VWA8: variants seen among roughly 807,000 people sequenced by gnomAD.
The protein encoded by VWA8 is von Willebrand factor A domain containing 8.
VWA8 carries 221 observed loss-of-function variants against 241.5 expected under a neutral mutation model. That is an observed-to-expected ratio of 0.91 (90% CI 0.82 to 1.02). VWA8 has a LOEUF of 1.02. Ranked by LOEUF, VWA8 falls within the 50% of genes least tolerant of loss-of-function variation. The pLI, the probability that VWA8 is intolerant of heterozygous loss-of-function variation, is 0.00. For synonymous variants in VWA8, 852 were observed against 827.1 expected (o/e 1.03, Z -0.52); for missense variants, 2,322 against 2,328.7 (o/e 1.00, Z 0.06).
At chr13:41,694,891 C>T (rs2045206292) in intron 29 of VWA8, among the ~76,000 whole-genome samples, 1 of 152,080 alleles carries the variant, frequency 6.6e-6, no homozygotes, top group Non-Finnish European at 1.5e-5. Flanking sequence ...AACTGAAAAA[C>T]TGTATCTTTC....
intron 12 of VWA8, among the ~76,000 whole-genome samples, chr13:41,838,574 T>C (rs1251061508): frequency 6.6e-6 from 1 of 152,106 alleles, no homozygotes; most frequent in Non-Finnish European, 1.5e-5. Flanking sequence ...AGTATTTAAG[T>C]TGAGTTGCAA....
rs577300496 is a variant in VWA8 at position 41,932,411 on chromosome 13, C to A, written c.241+17525G>T. 1.7e-3 allele frequency among the ~76,000 whole-genome samples: 256 copies of A among 152,124 alleles called. No homozygotes were observed. The Middle Eastern group carries it at 0.027, about 16-fold the overall frequency. On this transcript the variant is annotated intron_variant, in intron 2 of 44. Transcript: ENST00000379310. Reference sequence around the variant, plus strand: ...AAAAAATATCAATTTTATACAAATTCATTCAGAAAATTGAAGAGGAGGAAA... The same window carrying A: ...AAAAAATATCAATTTTATACAAATTAATTCAGAAAATTGAAGAGGAGGAAA...
intron 20 of VWA8, among the ~76,000 whole-genome samples, chr13:41,772,614 G>C (rs2045833189): frequency 6.6e-6 from 1 of 152,120 alleles, no homozygotes; most frequent in Non-Finnish European, 1.5e-5. Flanking sequence ...GTATTTTCAT[G>C]GTACTCTATC....
chr13:41,922,833 A>G (rs1003160817), intron 2 of VWA8, among the ~76,000 whole-genome samples: 1 of 152,108 alleles, frequency 6.6e-6, no homozygotes, highest in Non-Finnish European at 1.5e-5. Context: ...TTACACTGTT[A>G]GTGGGATTGT....
chr13:41,716,078 G>C (rs1325005905), intron 26 of VWA8, among the ~76,000 whole-genome samples: 1 of 151,934 alleles, frequency 6.6e-6, no homozygotes, highest in South Asian at 2.1e-4. Flanking sequence ...AAACTTAAAA[G>C]AGGAGCAATA....
chr13:41,759,786 T>C (rs186650180), intron 21 of VWA8, among the ~76,000 whole-genome samples: 3 of 151,906 alleles, frequency 2.0e-5, no homozygotes, highest in African/African-American at 7.2e-5. Context: ...ACTCAATGAA[T>C]GCTATGTTGC....
chr13:41,825,309 G>A (rs1888557), intron 14 of VWA8, among the ~76,000 whole-genome samples: 39,804 of 152,008 alleles, frequency 0.26, 5,248 homozygotes, highest in African/African-American at 0.31. Context: ...TCTATAGATA[G>A]GATCATCTGG....
At chr13:41,760,561 T>C (rs2137905735) in intron 21 of VWA8, among the ~76,000 whole-genome samples, 1 of 152,100 alleles carries the variant, frequency 6.6e-6, no homozygotes, top group South Asian at 2.1e-4. Flanking sequence ...CTATCATTTA[T>C]ATTTTATTTT....
chr13:41,725,673 G>A (rs539015719), intron 24 of VWA8, among the ~76,000 whole-genome samples: 53 of 152,258 alleles, frequency 3.5e-4, no homozygotes, highest in African/African-American at 1.3e-3. Context: ...AGGATTTGGA[G>A]GTGGATGGAA....
rs1380606872 is a variant in VWA8, at chr13:41,877,751, CT to C, written c.1080+5635del. 2.0e-5 allele frequency among the ~76,000 whole-genome samples: 3 copies of C among 152,206 alleles called. No homozygotes were observed. In the East Asian group the frequency reaches 5.8e-4, roughly 29 times the overall value. ...TGAGACCAAGAGCCAAGACACGTTA[CT>C]AGAAGCCTGGATGTATTTGTTACTA... On this transcript the variant is annotated intron_variant, in intron 9 of 44. Coordinates refer to ENST00000379310, the MANE Select transcript of VWA8 (RefSeq NM_015058.2).
intron 21 of VWA8, among the ~76,000 whole-genome samples, chr13:41,750,351 T>A (rs2045645681): frequency 6.6e-6 from 1 of 151,862 alleles, no homozygotes; most frequent in African/African-American, 2.4e-5. Flanking sequence ...AAGAATTGCT[T>A]GAACCCGGGA....
intron 40 of VWA8, among the ~76,000 whole-genome samples, chr13:41,596,040 T>G (rs2044485852): frequency 6.6e-6 from 1 of 152,186 alleles, no homozygotes; most frequent in African/African-American, 2.4e-5. Context: ...TACAGTATAC[T>G]CCTTCATTTT....
At chr13:41,673,741 A>T (rs975276113) in intron 36 of VWA8, among the ~76,000 whole-genome samples, 1 of 152,242 alleles carries the variant, frequency 6.6e-6, no homozygotes, top group Non-Finnish European at 1.5e-5. Flanking sequence ...ATATAATTAC[A>T]TATATGGCTT....
chr13:41,890,832 C>T (rs937958233), intron 5 of VWA8, among the ~76,000 whole-genome samples: 3 of 152,274 alleles, frequency 2.0e-5, no homozygotes, highest in East Asian at 3.9e-4. Context: ...ACTGTTAAGG[C>T]GATCACTGAC....
intron 40 of VWA8, among the ~76,000 whole-genome samples, chr13:41,596,610 G>C (rs939688353): frequency 6.6e-6 from 1 of 151,932 alleles, no homozygotes. Context: ...ACACTAATGA[G>C]AGTTCATTAT....
intron 9 of VWA8, among the ~76,000 whole-genome samples, chr13:41,877,224 T>A (rs902750702): frequency 1.2e-4 from 19 of 152,186 alleles, no homozygotes; most frequent in African/African-American, 3.4e-4. Flanking sequence ...TTTATGGACA[T>A]TTTTGATTTC....
chr13:41,884,561 TAC>T (rs1438310443), intron 8 of VWA8, among the ~76,000 whole-genome samples: 1 of 146,074 alleles, frequency 6.8e-6, no homozygotes, highest in Non-Finnish European at 1.5e-5. Flanking sequence ...GACTGCAATT[TAC>T]TTCCAAATGG....
chr13:41,888,883 C>T (rs532698359), intron 5 of VWA8, among the ~76,000 whole-genome samples: 6 of 152,254 alleles, frequency 3.9e-5, no homozygotes, highest in African/African-American at 1.4e-4. Flanking sequence ...ACCTAATTAA[C>T]ACACTGAAAC....
At chr13:41,954,113 T>G (rs1265231322) in intron 1 of VWA8, among the ~76,000 whole-genome samples, 1 of 152,126 alleles carries the variant, frequency 6.6e-6, no homozygotes, top group Non-Finnish European at 1.5e-5. Context: ...CTTGGCCATC[T>G]TCTGTTACTA....
Sources: gnomAD v4.1 joint callset for allele counts (sites outside exome capture counted in the v4.1 genomes callset) on GRCh38, gnomAD v4.1.1 for gene constraint, MANE v1.5 for transcripts, NCBI Gene and HGNC (gene_info 2026-07-23, HGNC 2026-07-21) for gene names.